MVB12B: variants seen among roughly 807,000 people sequenced by gnomAD.
MVB12B encodes the protein multivesicular body subunit 12B.
A neutral mutation model predicts 41.6 loss-of-function variants in MVB12B; 16 were observed. The observed-to-expected ratio is 0.38, with a 90% CI of 0.26 to 0.58. The LOEUF (loss-of-function observed/expected upper bound fraction) is 0.58, where lower values mean the gene tolerates loss of function less well. Among genes scored for constraint, MVB12B ranks in the 20% least tolerant of loss-of-function variants. The pLI, the probability that MVB12B is intolerant of heterozygous loss-of-function variation, is 0.62. For synonymous variants in MVB12B, 133 were observed against 139.7 expected (o/e 0.95, Z 0.34); for missense variants, 274 against 380.2 (o/e 0.72, Z 2.32).
intron 6 of MVB12B, among the ~76,000 whole-genome samples, chr9:126,409,926 A>T (rs1588148690): frequency 6.6e-6 from 1 of 152,226 alleles, no homozygotes; most frequent in Non-Finnish European, 1.5e-5. Context: ...CTAGTGGCCC[A>T]CTGTAATCTA....
At chr9:126,368,321 A>G (rs1189990619) in intron 2 of MVB12B, among the ~76,000 whole-genome samples, 1 of 152,190 alleles carries the variant, frequency 6.6e-6, no homozygotes, top group African/African-American at 2.4e-5. Flanking sequence ...TAAACTCTGT[A>G]TGCTGCTGGC....
intron 2 of MVB12B, among the ~76,000 whole-genome samples, chr9:126,345,875 G>A (rs1298206688): frequency 6.6e-6 from 1 of 152,180 alleles, no homozygotes; most frequent in Non-Finnish European, 1.5e-5. Context: ...TAGCCCCTTA[G>A]TGAAACTTTT....
intron 6 of MVB12B, among the ~76,000 whole-genome samples, chr9:126,421,094 G>A (rs1388444708): frequency 1.3e-5 from 2 of 151,836 alleles, no homozygotes; most frequent in Non-Finnish European, 2.9e-5. Flanking sequence ...TTTCCTATTC[G>A]CTTAATTTTT....
intron 9 of MVB12B, among the ~76,000 whole-genome samples, chr9:126,488,774 C>A (rs1182314314): frequency 6.6e-6 from 1 of 152,214 alleles, no homozygotes; most frequent in African/African-American, 2.4e-5. Context: ...GAACTGCAGC[C>A]AGTGTCCCTC....
At chr9:126,423,576 A>G (rs1454583394) in intron 7 of MVB12B, among the ~76,000 whole-genome samples, 1 of 152,260 alleles carries the variant, frequency 6.6e-6, no homozygotes, top group Non-Finnish European at 1.5e-5. Context: ...TTGAGGCTAC[A>G]GCCCACGGCA....
intron 9 of MVB12B, among the ~76,000 whole-genome samples, chr9:126,500,676 C>T (rs1308877556): frequency 6.6e-6 from 1 of 152,214 alleles, no homozygotes; most frequent in Non-Finnish European, 1.5e-5. Context: ...TCTCCTGAGC[C>T]GGGGCTGATG....
chr9:126,439,277 G>C (rs1177996907), intron 7 of MVB12B, among the ~76,000 whole-genome samples: 1 of 151,326 alleles, frequency 6.6e-6, no homozygotes, highest in Non-Finnish European at 1.5e-5. Flanking sequence ...GCTGGGGGTG[G>C]GGGCGCTAGG....
chr9:126,396,397 G>C, intron 6 of MVB12B: 1 of 985,458 alleles, frequency 1.0e-6, no homozygotes, highest in East Asian at 1.1e-4. Context: ...CTTGAGAAAG[G>C]GATTGCAAAA....
intron 7 of MVB12B, among the ~76,000 whole-genome samples, chr9:126,447,030 C>T (rs1467544038): frequency 2.0e-5 from 3 of 149,766 alleles, no homozygotes; most frequent in Admixed American, 1.3e-4. Flanking sequence ...CTGCAACCGC[C>T]GCCTCCCAGG....
intron 6 of MVB12B, among the ~76,000 whole-genome samples, chr9:126,410,421 T>A (rs1011745713): frequency 7.9e-5 from 12 of 152,174 alleles, no homozygotes; most frequent in Non-Finnish European, 1.6e-4. Context: ...TGACTTTGGG[T>A]GAGTTACTTA....
chr9:126,496,233 A>C (rs3915928), intron 9 of MVB12B, among the ~76,000 whole-genome samples: 27,320 of 100,548 alleles, frequency 0.27, 3,771 homozygotes, highest in African/African-American at 0.44. Context: ...ACCCATCCAT[A>C]CACCCACTTA....
chr9:126,397,535 T>C, intron 6 of MVB12B: 5 of 985,390 alleles, frequency 5.1e-6, no homozygotes, highest in Non-Finnish European at 6.0e-6. Context: ...AAATAGTCAA[T>C]ATAAAATGTA....
At position 126,478,879 on chromosome 9, in the gene MVB12B, A is replaced by T. The variant is rs985419598; in HGVS notation, c.758-2490A>T. Among the ~76,000 whole-genome samples, 1 of 152,192 alleles carries T rather than the reference A, an allele frequency of 6.6e-6. No individual in the cohort carries two copies. The highest frequency in any genetic ancestry group is 2.4e-5 in the African/African-American group (1 of 41,442). On this transcript the variant is annotated intron_variant, in intron 7 of 9. Transcript: ENST00000361171. The surrounding 1 kb of genome is among the most constrained non-coding windows in gnomAD (Gnocchi z 4.2). ...TGACATGTAGATAGAAACAACTGTC[A>T]CCAGTGAGAGGCAGTTCTTCACTCC...
intron 2 of MVB12B, among the ~76,000 whole-genome samples, chr9:126,347,268 G>C (rs990120301): frequency 6.6e-6 from 1 of 152,234 alleles, no homozygotes; most frequent in Non-Finnish European, 1.5e-5. Flanking sequence ...GCCCCTGCAC[G>C]CTGGGAAGCC....
chr9:126,428,208 C>T (rs1832234315), intron 7 of MVB12B, among the ~76,000 whole-genome samples: 1 of 152,078 alleles, frequency 6.6e-6, no homozygotes, highest in Non-Finnish European at 1.5e-5. Context: ...TAGGAAAGCA[C>T]AAAGCAATTA....
chr9:126,387,048 C>T (rs12343356), intron 4 of MVB12B, among the ~76,000 whole-genome samples: 2,622 of 152,122 alleles, frequency 0.017, 61 homozygotes, highest in African/African-American at 0.05. Flanking sequence ...GAACACAAGG[C>T]CAATAATGTG....
Position 126,389,404 on chromosome 9 carries a change from A to G in MVB12B, c.410-2662A>G, listed in dbSNP as rs1284695975. Reference sequence around the variant, plus strand: ...GAAAATATGGTTTGCTGTAATCCATATAGCACTGAAAAACTGGAAGATGTT... The same window carrying G: ...GAAAATATGGTTTGCTGTAATCCATGTAGCACTGAAAAACTGGAAGATGTT... On this transcript the variant is annotated intron_variant, in intron 4 of 9. Coordinates refer to ENST00000361171, the MANE Select transcript of MVB12B (RefSeq NM_033446.3). The surrounding 1 kb of genome is among the most constrained non-coding windows in gnomAD (Gnocchi z 4.4). Among the ~76,000 whole-genome samples the G allele has an allele frequency of 1.3e-5, 2 of 152,232 alleles. No homozygotes were observed. The highest frequency in any genetic ancestry group is 2.4e-5 in the African/African-American group (1 of 41,446).
In MVB12B at chr9:126,356,620, G is replaced by A. The variant is rs141005865; in HGVS notation, c.204+15990G>A. ...TTACAATGCATCCCTGATTTAGTTT[G>A]GGTATTTTGTCACCCTGTATCTCAT... On this transcript the variant is annotated intron_variant, in intron 2 of 9. Coordinates refer to ENST00000361171, the MANE Select transcript of MVB12B (RefSeq NM_033446.3). 1.6e-3 allele frequency among the ~76,000 whole-genome samples: 251 copies of A among 152,148 alleles called. 3 individuals carry two copies. The highest frequency in any genetic ancestry group is 6.0e-3 in the African/African-American group (247 of 41,498).
At chr9:126,454,960 G>A (rs1198276018) in intron 7 of MVB12B, among the ~76,000 whole-genome samples, 3 of 152,056 alleles carry the variant, frequency 2.0e-5, no homozygotes, top group African/African-American at 7.2e-5. Flanking sequence ...GCCTGTGGGT[G>A]CGCAGGGCAG....
Sources: gnomAD v4.1 joint callset for allele counts (sites outside exome capture counted in the v4.1 genomes callset) on GRCh38, gnomAD v4.1.1 for gene constraint, Gnocchi (gnomAD v3.1) non-coding constraint, MANE v1.5 for transcripts, NCBI Gene and HGNC (gene_info 2026-07-23, HGNC 2026-07-21) for gene names.